Variants in SYNE2 observed in about 807,000 individuals in gnomAD.
The protein encoded by SYNE2 is spectrin repeat containing nuclear envelope protein 2.
In SYNE2, 431 loss-of-function variants were observed where a neutral mutation model predicts 856.3. The ratio of observed to expected loss-of-function variants is 0.50; its 90% CI spans 0.47 to 0.55. The LOEUF (loss-of-function observed/expected upper bound fraction) is 0.55, where lower values mean the gene tolerates loss of function less well. Among genes scored for constraint, SYNE2 ranks in the 20% least tolerant of loss-of-function variants. SYNE2 has a pLI of 0.00. For synonymous variants in SYNE2, 2,923 were observed against 2,872.3 expected, an observed-to-expected ratio of 1.02 and a Z score of -0.56; for missense variants, 8,129 against 8,023.2, an observed-to-expected ratio of 1.01 and a Z score of -0.50.
At chr14:63,808,596 AC>A (rs2139819331) in intron 1 of SYNE2, 1 of 152,726 alleles carries the variant, frequency 6.5e-6, no homozygotes, top group South Asian at 2.1e-4. Context: ...GCACCATGGT[AC>A]TGGGCATGAC....
intron 45 of SYNE2, among the ~76,000 whole-genome samples, chr14:64,046,102 G>A (rs2097184370): frequency 6.6e-6 from 1 of 152,176 alleles, no homozygotes; most frequent in Non-Finnish European, 1.5e-5. Flanking sequence ...ATAAAAACGA[G>A]TGCCTTAGCA....
chr14:64,017,724 C>A lies in SYNE2; in HGVS notation c.5017C>A (p.Gln1673Lys). The change falls in exon 34 of 116, where the codon CAA (glutamine) becomes AAA (lysine). Residue 1673 changes from glutamine to lysine, a missense_variant. By Grantham distance (53) the Gln-to-Lys change is moderately conservative (BLOSUM62 1). Around this residue, in one of 3 missense-constraint regions of SYNE2, gnomAD observed 2,422 missense variants for 2,357.4 expected, o/e 1.03. Coordinates refer to ENST00000555002, the MANE Select transcript of SYNE2 (RefSeq NM_182914.3). ...GGCCCTTCAAAAAATGGAATTACAT[C>A]AATTGACTGAAGAGGACAGAGAAAG... ...EKALQKMELH[Q>K]LTEEDRERLK... The A allele has an allele frequency of 6.2e-7, 1 of 1,613,596 alleles. No individual in the cohort carries two copies. Among genetic ancestry groups the A allele is most frequent in the Non-Finnish European group, 8.5e-7 (1 of 1,179,740 alleles).
intron 25 of SYNE2, among the ~76,000 whole-genome samples, chr14:63,997,824 T>C (rs918748130): frequency 6.6e-6 from 1 of 152,252 alleles, no homozygotes; most frequent in African/African-American, 2.4e-5. Context: ...TCCTGAAGTC[T>C]AGATAATTTG....
chr14:63,794,162 A>G (rs1042521758), intron 1 of SYNE2, among the ~76,000 whole-genome samples: 3 of 152,240 alleles, frequency 2.0e-5, no homozygotes, highest in Non-Finnish European at 2.9e-5. Context: ...ATACAATTCA[A>G]CAATAACTGG....
intron 49 of SYNE2, among the ~76,000 whole-genome samples, chr14:64,061,162 T>G (rs961555406): frequency 1.3e-5 from 2 of 152,214 alleles, no homozygotes; most frequent in Non-Finnish European, 2.9e-5. Flanking sequence ...AATTCGGTGT[T>G]CCTGTGGGGA....
intron 1 of SYNE2, among the ~76,000 whole-genome samples, chr14:63,767,529 G>A (rs939314182): frequency 3.3e-5 from 5 of 151,956 alleles, no homozygotes; most frequent in Admixed American, 2.0e-4. Flanking sequence ...TATAAAAATC[G>A]AAATTCTAGC....
At chr14:64,135,590 C>T (rs1031843726) in intron 78 of SYNE2, among the ~76,000 whole-genome samples, 3 of 152,114 alleles carry the variant, frequency 2.0e-5, no homozygotes, top group Non-Finnish European at 4.4e-5. Flanking sequence ...CAGATGAGAA[C>T]AGTATTTTAA....
At chr14:63,859,979 CCCTT>C (rs757994649) in intron 1 of SYNE2, among the ~76,000 whole-genome samples, 1 of 130,120 alleles carries the variant, frequency 7.7e-6, no homozygotes, top group Non-Finnish European at 1.6e-5. Flanking sequence ...CTCCCTTCCT[CCCTT>C]CCTTCCTTCG....
chr14:63,996,026 T>G (rs893335720), intron 23 of SYNE2, among the ~76,000 whole-genome samples: 8 of 152,158 alleles, frequency 5.3e-5, no homozygotes, highest in Non-Finnish European at 8.8e-5. Flanking sequence ...TCACCTGAAT[T>G]CTATGTTCTA....
chr14:64,081,336 C>T (rs2097522296), intron 56 of SYNE2, 107 bp from the exon 57 acceptor site: 2 of 1,417,236 alleles, frequency 1.4e-6, no homozygotes, highest in Non-Finnish European at 2.0e-6. Context: ...CAGACATCTG[C>T]AAGGCCTGAC....
At chr14:63,825,139 T>C (rs1398294814) in intron 1 of SYNE2, among the ~76,000 whole-genome samples, 1 of 151,852 alleles carries the variant, frequency 6.6e-6, no homozygotes, top group Non-Finnish European at 1.5e-5. Context: ...TATTAACTGA[T>C]AAAGGACATT....
chr14:63,922,113 C>T (rs745562784), intron 2 of SYNE2, among the ~76,000 whole-genome samples: 2 of 152,152 alleles, frequency 1.3e-5, no homozygotes, highest in Non-Finnish European at 2.9e-5. Context: ...AGGTGCTTCT[C>T]CTACCTCAGT....
At chr14:64,136,851 G>A (rs527437837) in intron 78 of SYNE2, among the ~76,000 whole-genome samples, 74 of 152,090 alleles carry the variant, frequency 4.9e-4, no homozygotes, top group Middle Eastern at 3.4e-3. Flanking sequence ...AAGTGCTTTC[G>A]GGGGCAGAAT....
chr14:64,106,971 A>AT (rs2153649484), intron 64 of SYNE2, among the ~76,000 whole-genome samples: 1 of 152,286 alleles, frequency 6.6e-6, no homozygotes, highest in Non-Finnish European at 1.5e-5. Context: ...AATGGAATAA[A>AT]TTCACCTTTT....
intron 45 of SYNE2, among the ~76,000 whole-genome samples, chr14:64,035,633 T>G (rs1312002960): frequency 6.6e-6 from 1 of 151,924 alleles, no homozygotes; most frequent in African/African-American, 2.4e-5. Flanking sequence ...ACCCTTTTAT[T>G]TCAGGTGAGG....
chr14:63,933,695 T>G (rs2095794746), intron 2 of SYNE2, among the ~76,000 whole-genome samples: 1 of 152,238 alleles, frequency 6.6e-6, no homozygotes, highest in Non-Finnish European at 1.5e-5. Context: ...TCTATTCCCT[T>G]AGCTTTTTTA....
chr14:64,062,875 G>C lies in SYNE2; in HGVS notation c.10192G>C (p.Glu3398Gln), dbSNP rs775722352. ...SLPLSYREAL[E>Q]RLEQSKALVS... is the part of the protein sequence containing the mutation. Reference sequence around the variant, plus strand: ...GCCACTGTCTTACAGAGAAGCTTTAGAGCGCTTGGAACAGAGCAAGGTAAT... The same window carrying C: ...GCCACTGTCTTACAGAGAAGCTTTACAGCGCTTGGAACAGAGCAAGGTAAT... Residue 3398 changes from glutamate (E) to glutamine (Q), a missense_variant, in exon 50 of 116, where the codon GAG (glutamate) becomes CAG (glutamine). Glu to Gln is a conservative substitution (Grantham distance 29, BLOSUM62 2). This residue lies in a region of SYNE2 where 5,410 missense variants were observed against 5,284.8 expected (regional missense o/e 1.02). Transcript: ENST00000555002. The C allele has an allele frequency of 6.2e-7, 1 of 1,614,132 alleles. No individual in the cohort carries two copies. Among genetic ancestry groups the C allele is most frequent in the East Asian group, 2.2e-5 (1 of 44,882 alleles).
intron 1 of SYNE2, among the ~76,000 whole-genome samples, chr14:63,867,211 A>G (rs1029639293): frequency 2.0e-5 from 3 of 152,170 alleles, no homozygotes; most frequent in Non-Finnish European, 4.4e-5. Context: ...CTTAATGGAC[A>G]AGATATATCC....
chr14:63,784,452 G>A (rs887532932), intron 1 of SYNE2, among the ~76,000 whole-genome samples: 13 of 152,072 alleles, frequency 8.5e-5, no homozygotes, highest in Non-Finnish European at 1.5e-4. Flanking sequence ...AGCTGAGATC[G>A]TGCCACTGCG....
Sources: gnomAD v4.1 joint callset for allele counts (sites outside exome capture counted in the v4.1 genomes callset) on GRCh38, gnomAD v4.1.1 for gene constraint, gnomAD v4.1.1 regional missense constraint, MANE v1.5 for transcripts, NCBI Gene and HGNC (gene_info 2026-07-23, HGNC 2026-07-21) for gene names.